Variants in MUSK observed in about 807,000 individuals in gnomAD.
The protein encoded by MUSK is muscle associated receptor tyrosine kinase.
In MUSK, 55 loss-of-function variants were observed where a neutral mutation model predicts 88.7. The observed-to-expected ratio is 0.62, with a 90% CI of 0.50 to 0.78. MUSK has a LOEUF of 0.78. Among genes scored for constraint, MUSK ranks in the 30% least tolerant of loss-of-function variants. MUSK has a pLI of 0.00. For missense variants in MUSK, 1,015 were observed against 1,074.3 expected (o/e 0.94, Z 0.77); for synonymous variants, 387 against 391.9 (o/e 0.99, Z 0.15).
At chr9:110,687,009 C>T in intron 2 of MUSK, 108 bp from the exon 3 acceptor site, 3 of 1,076,244 alleles carry the variant, frequency 2.8e-6, no homozygotes, top group Non-Finnish European at 1.4e-6. Flanking sequence ...AGTTTCCTCT[C>T]ACCTTTATTC....
chr9:110,800,533 C>T lies in MUSK; in HGVS notation c.2155C>T (p.Arg719Cys), dbSNP rs769211968. 1.9e-6 allele frequency: 3 copies of T among 1,613,710 alleles called. No homozygotes were observed. The highest frequency in any genetic ancestry group is 2.2e-5 in the East Asian group (1 of 44,864). The change falls in exon 15 of 15, where the codon CGT becomes TGT. Residue 719 changes from arginine to cysteine, a missense_variant. By Grantham distance (180) the Arg-to-Cys change is radical (BLOSUM62 -3). Coordinates refer to ENST00000374448, the MANE Select transcript of MUSK (RefSeq NM_005592.4). Reference sequence around the variant, plus strand: ...AGCTGGCATGGCTTACCTCTCAGAACGTAAGTTTGTTCACCGAGATTTAGC... The same window carrying T: ...AGCTGGCATGGCTTACCTCTCAGAATGTAAGTTTGTTCACCGAGATTTAGC... The part of the protein sequence containing the change: ...VAAGMAYLSE[R>C]KFVHRDLATR...
At chr9:110,717,033 G>T (rs1482896523) in intron 5 of MUSK, among the ~76,000 whole-genome samples, 1 of 149,686 alleles carries the variant, frequency 6.7e-6, no homozygotes, top group African/African-American at 2.5e-5. Context: ...CTTGTAAGCA[G>T]AATATAGATA....
intron 1 of MUSK, among the ~76,000 whole-genome samples, chr9:110,673,550 G>A (rs376230917): frequency 6.6e-6 from 1 of 152,128 alleles, no homozygotes; most frequent in Non-Finnish European, 1.5e-5. Context: ...TTATGGGAAG[G>A]TGTTAACTTA....
rs1412657094 is a variant in MUSK, at chr9:110,682,706, G to T, written c.112G>T (p.Asp38Tyr). The change falls in exon 2 of 15, where the codon GAT becomes TAT. Residue 38 changes from aspartate to tyrosine, a missense_variant. Asp to Tyr is a radical substitution (Grantham distance 160). Transcript: ENST00000374448. Reference protein sequence around the residue: ...PVITTPLETVDALVEEVATFM... With the variant: ...PVITTPLETVYALVEEVATFM... ...CATCACCACTCCTCTTGAAACAGTG[G>T]ATGCCTTAGTTGAAGAAGTGGCTAC... The T allele has an allele frequency of 6.2e-7, 1 of 1,612,624 alleles. No individual in the cohort carries two copies.
At chr9:110,783,375 CTT>C (rs994455125) in intron 11 of MUSK, among the ~76,000 whole-genome samples, 73 of 151,976 alleles carry the variant, frequency 4.8e-4, no homozygotes, top group African/African-American at 1.7e-3. Flanking sequence ...AAAAGAATGT[CTT>C]TTATAATGTG....
chr9:110,798,790 A>G (rs2078050485), intron 14 of MUSK, among the ~76,000 whole-genome samples: 1 of 152,214 alleles, frequency 6.6e-6, no homozygotes, highest in Non-Finnish European at 1.5e-5. Flanking sequence ...TCTTAAATAA[A>G]TGTATATACA....
chr9:110,740,125 A>G (rs77256181), intron 6 of MUSK, among the ~76,000 whole-genome samples: 140 of 152,266 alleles, frequency 9.2e-4, no homozygotes, highest in African/African-American at 3.2e-3. Context: ...TATTAAGTAT[A>G]ATTTCTACCC....
chr9:110,803,779 A>G lies in MUSK; in HGVS notation c.*2791A>G, dbSNP rs935505161. ...CTAAGTGCTCGATCTAATGTTCTGAATCACAGGAGTATAGATGCATTATTC... is the reference window on the plus strand; with the variant it reads ...CTAAGTGCTCGATCTAATGTTCTGAGTCACAGGAGTATAGATGCATTATTC... On this transcript the variant is annotated 3_prime_UTR_variant, in exon 15 of 15. Coordinates refer to ENST00000374448, the MANE Select transcript of MUSK (RefSeq NM_005592.4). Among the ~76,000 whole-genome samples the G allele has an allele frequency of 6.6e-5, 10 of 152,198 alleles. No individual in the cohort carries two copies. The highest frequency in any genetic ancestry group is 1.5e-4 in the Non-Finnish European group (10 of 68,036).
At chr9:110,717,546 G>C (rs2076759373) in intron 5 of MUSK, among the ~76,000 whole-genome samples, 1 of 149,744 alleles carries the variant, frequency 6.7e-6, no homozygotes. Flanking sequence ...GCCACCAATT[G>C]CTGTGTTCAT....
intron 7 of MUSK, among the ~76,000 whole-genome samples, chr9:110,761,281 A>G (rs1221890360): frequency 3.9e-5 from 6 of 152,154 alleles, no homozygotes; most frequent in Non-Finnish European, 1.5e-5. Context: ...ATCCGTGAGC[A>G]TGGGCAGCTA....
chr9:110,704,434 CTTGA>C (rs1421602777), intron 5 of MUSK, among the ~76,000 whole-genome samples: 1 of 152,086 alleles, frequency 6.6e-6, no homozygotes, highest in Non-Finnish European at 1.5e-5. Flanking sequence ...TCTTAGGATG[CTTGA>C]TTATTAGTTA....
intron 2 of MUSK, among the ~76,000 whole-genome samples, chr9:110,685,629 T>C (rs1483756132): frequency 6.6e-6 from 1 of 152,164 alleles, no homozygotes; most frequent in Non-Finnish European, 1.5e-5. Flanking sequence ...CCCCCTTTCT[T>C]CTTTTCCCAG....
intron 5 of MUSK, among the ~76,000 whole-genome samples, chr9:110,713,632 A>T (rs190704261): frequency 3.5e-4 from 53 of 152,286 alleles, no homozygotes; most frequent in African/African-American, 1.2e-3. Context: ...GTTTGGAGGC[A>T]TATGGCCTTA....
At chr9:110,689,363 C>A (rs2067321690) in intron 3 of MUSK, among the ~76,000 whole-genome samples, 2 of 109,808 alleles carry the variant, frequency 1.8e-5, no homozygotes, top group African/African-American at 3.8e-5. Context: ...TATATAAATA[C>A]ATATTTATAT....
At position 110,767,960 on chromosome 9, in the gene MUSK, C is replaced by T. The variant is rs200064775; in HGVS notation, c.1061C>T (p.Thr354Met). 197 of 1,613,836 alleles carry T rather than the reference C, an allele frequency of 1.2e-4. No homozygotes were observed. The highest frequency in any genetic ancestry group is 1.4e-4 in the Non-Finnish European group (168 of 1,179,898). ...PEEAQELLVH[T>M]AWNELKVVSP... is the part of the protein sequence containing the mutation. ...GAGGCCCAAGAGCTACTGGTCCACACGGCCTGGAATGAACTGAAAGTAGTG... is the reference window on the plus strand; with the variant it reads ...GAGGCCCAAGAGCTACTGGTCCACATGGCCTGGAATGAACTGAAAGTAGTG... Residue 354 changes from threonine (T) to methionine (M), a missense_variant, in exon 9 of 15, where the codon ACG (threonine) becomes ATG (methionine). Physicochemically the swap from Thr to Met is moderately conservative, Grantham distance 81. Transcript: ENST00000374448.
intron 1 of MUSK, among the ~76,000 whole-genome samples, chr9:110,671,795 G>A (rs981142003): frequency 1.3e-5 from 2 of 152,198 alleles, no homozygotes; most frequent in African/African-American, 2.4e-5. Flanking sequence ...AGTATTAAAT[G>A]TATGGTGCAA....
chr9:110,802,495 A>G lies in MUSK; in HGVS notation c.*1507A>G, dbSNP rs1386501937. Among the ~76,000 whole-genome samples, 4 of 152,228 alleles carry G rather than the reference A, an allele frequency of 2.6e-5. No homozygotes were observed. In the East Asian group the frequency reaches 7.7e-4, roughly 29 times the overall value. The stretch of plus-strand genomic sequence containing the variant: ...AAGTAGATTTTCGCTGTCTGCTGGA[A>G]AACTCTGCCTGAAATCCCCAAATCT... On this transcript the variant is annotated 3_prime_UTR_variant, in exon 15 of 15. Coordinates refer to ENST00000374448, the MANE Select transcript of MUSK (RefSeq NM_005592.4).
At chr9:110,739,052 ACT>A (rs1246875856) in intron 6 of MUSK, among the ~76,000 whole-genome samples, 3 of 151,970 alleles carry the variant, frequency 2.0e-5, no homozygotes, top group Admixed American at 2.0e-4. Context: ...AGACCATTGG[ACT>A]CTGTCTTCTT....
chr9:110,732,949 T>C (rs550534122), intron 5 of MUSK, among the ~76,000 whole-genome samples: 1 of 152,124 alleles, frequency 6.6e-6, no homozygotes, highest in Non-Finnish European at 1.5e-5. Flanking sequence ...TAAGAGGTAC[T>C]CAACAATGAG....
Sources: allele counts gnomAD v4.1 joint callset (sites outside exome capture counted in the v4.1 genomes callset), GRCh38; gene constraint gnomAD v4.1.1; transcripts MANE v1.5; gene names NCBI Gene and HGNC (gene_info 2026-07-23, HGNC 2026-07-21).